The following KCNIP4 variants were observed in gnomAD, a reference collection of about 807,000 sequenced individuals.
KCNIP4 encodes potassium voltage-gated channel interacting protein 4.
A neutral mutation model predicts 34.0 loss-of-function variants in KCNIP4; 12 were observed. That is an observed-to-expected ratio of 0.35 (90% confidence interval 0.23 to 0.57). The LOEUF is 0.57. KCNIP4 is among the 20% of genes least tolerant of loss of function. The pLI is 0.83. For missense variants in KCNIP4, 238 were observed against 311.7 expected (o/e 0.76, Z 1.78); for synonymous variants, 124 against 102.2 (o/e 1.21, Z -1.29).
chr4:21,526,243 C>G (rs1328198816), intron 1 of KCNIP4, among the ~76,000 whole-genome samples: 1 of 152,062 alleles, frequency 6.6e-6, no homozygotes, highest in African/African-American at 2.4e-5. Flanking sequence ...CAGGGCTGAT[C>G]TTGTGATAGT....
chr4:20,785,788 T>C (rs1324880793), intron 3 of KCNIP4, among the ~76,000 whole-genome samples: 3 of 152,020 alleles, frequency 2.0e-5, no homozygotes, highest in East Asian at 1.9e-4. Context: ...AAGACTGACA[T>C]TGTAAGTCCC....
rs28754578 is a variant in KCNIP4 at position 20,963,149 on chromosome 4, T to C, written c.62-80440A>G. Reference sequence around the variant, plus strand: ...CAGCCTGGCCAATATGATGAAACCCTGTCTTTACTAAAAATACAAAAAAAA... The same window carrying C: ...CAGCCTGGCCAATATGATGAAACCCCGTCTTTACTAAAAATACAAAAAAAA... On this transcript the variant is annotated intron_variant, in intron 1 of 8. Transcript: ENST00000382152. 8.4e-3 allele frequency among the ~76,000 whole-genome samples: 1,267 copies of C among 151,536 alleles called. 18 individuals carry two copies. Among genetic ancestry groups the C allele is most frequent in the African/African-American group, 0.029 (1,196 of 41,246 alleles).
At chr4:21,558,531 T>C (rs1328570222) in intron 1 of KCNIP4, among the ~76,000 whole-genome samples, 2 of 101,228 alleles carry the variant, frequency 2.0e-5, no homozygotes, top group Non-Finnish European at 4.5e-5. Context: ...TAAAACAAAA[T>C]AAATGAGATT....
At chr4:20,829,793 A>G (rs997675212) in intron 3 of KCNIP4, among the ~76,000 whole-genome samples, 1 of 151,994 alleles carries the variant, frequency 6.6e-6, no homozygotes, top group Non-Finnish European at 1.5e-5. Context: ...TTAAACATCA[A>G]TGTGACCATA....
chr4:21,937,656 T>C (rs1729936405), intron 1 of KCNIP4, among the ~76,000 whole-genome samples: 1 of 152,054 alleles, frequency 6.6e-6, no homozygotes, highest in Admixed American at 6.6e-5. Context: ...ACCATTCAGG[T>C]TTTTTTCAAC....
chr4:21,538,169 G>A (rs1220138765), intron 1 of KCNIP4, among the ~76,000 whole-genome samples: 3 of 152,020 alleles, frequency 2.0e-5, no homozygotes, highest in Admixed American at 2.0e-4. Context: ...TCAGAAGCTA[G>A]AAGAGATAAG....
intron 1 of KCNIP4, among the ~76,000 whole-genome samples, chr4:21,619,600 T>A (rs1197058126): frequency 6.6e-6 from 1 of 152,210 alleles, no homozygotes; most frequent in East Asian, 1.9e-4. Flanking sequence ...GGTAACCTGT[T>A]CCTGAAATAA....
chr4:21,838,555 T>C (rs1225504234), intron 1 of KCNIP4, among the ~76,000 whole-genome samples: 1 of 152,222 alleles, frequency 6.6e-6, no homozygotes, highest in Non-Finnish European at 1.5e-5. Context: ...ACCATCATTT[T>C]ATATCTATGG....
At chr4:21,371,188 T>C (rs999574274) in intron 1 of KCNIP4, among the ~76,000 whole-genome samples, 3 of 145,104 alleles carry the variant, frequency 2.1e-5, no homozygotes, top group Admixed American at 2.0e-4. Flanking sequence ...AATGAGGATC[T>C]TTAAGGGTTT....
intron 1 of KCNIP4, among the ~76,000 whole-genome samples, chr4:21,153,346 T>A (rs1308499138): frequency 6.6e-6 from 1 of 152,014 alleles, no homozygotes; most frequent in Non-Finnish European, 1.5e-5. Context: ...AAATTGTATT[T>A]TCAGTGTTAT....
chr4:20,919,236 A>G (rs1309720534), intron 1 of KCNIP4, among the ~76,000 whole-genome samples: 2 of 152,182 alleles, frequency 1.3e-5, no homozygotes, highest in African/African-American at 4.8e-5. Context: ...CTTGGAGAGC[A>G]GAGGCTCTCA....
intron 1 of KCNIP4, among the ~76,000 whole-genome samples, chr4:21,182,738 A>T (rs1198851336): frequency 2.0e-5 from 3 of 152,136 alleles, no homozygotes; most frequent in Non-Finnish European, 2.9e-5. Context: ...GTGTTTTAAA[A>T]AATTATTTTT....
chr4:21,709,541 T>C (rs1713552099), intron 1 of KCNIP4, among the ~76,000 whole-genome samples: 1 of 152,196 alleles, frequency 6.6e-6, no homozygotes, highest in Non-Finnish European at 1.5e-5. Context: ...AATTGAACTG[T>C]TTTACACTAT....
intron 1 of KCNIP4, among the ~76,000 whole-genome samples, chr4:20,974,968 G>A (rs911837932): frequency 3.9e-5 from 6 of 152,136 alleles, no homozygotes; most frequent in African/African-American, 1.4e-4. Flanking sequence ...CTGTGTGATA[G>A]GCACTGTGCT....
chr4:21,757,781 T>C (rs1207754332), intron 1 of KCNIP4, among the ~76,000 whole-genome samples: 1 of 152,222 alleles, frequency 6.6e-6, no homozygotes, highest in East Asian at 1.9e-4. Context: ...TCTACAAAGT[T>C]AGCGATGAAG....
intron 1 of KCNIP4, among the ~76,000 whole-genome samples, chr4:21,892,471 T>C (rs932040094): frequency 8.6e-5 from 13 of 150,354 alleles, no homozygotes; most frequent in Non-Finnish European, 1.8e-4. Context: ...TGAAAATTTC[T>C]GGGGCTCTAC....
At chr4:21,762,879 G>A in intron 1 of KCNIP4, 1 of 1,221,110 alleles carries the variant, frequency 8.2e-7, no homozygotes. Context: ...CAGAAGATTG[G>A]GAGGGGGGTG....
At chr4:21,256,073 A>T (rs900087432) in intron 1 of KCNIP4, among the ~76,000 whole-genome samples, 3 of 152,194 alleles carry the variant, frequency 2.0e-5, no homozygotes, top group Non-Finnish European at 2.9e-5. Flanking sequence ...AATTAGGATA[A>T]TAAAATACAG....
intron 1 of KCNIP4, among the ~76,000 whole-genome samples, chr4:21,176,712 G>C (rs1036252912): frequency 2.0e-5 from 3 of 152,036 alleles, no homozygotes; most frequent in Non-Finnish European, 4.4e-5. Flanking sequence ...GTGGAGACAG[G>C]GTTTCACCAT....
Sources: gnomAD v4.1 joint callset for allele counts (sites outside exome capture counted in the v4.1 genomes callset) on GRCh38, gnomAD v4.1.1 for gene constraint, MANE v1.5 for transcripts, NCBI Gene and HGNC (gene_info 2026-07-23, HGNC 2026-07-21) for gene names.